Variants in POM121 observed in about 807,000 individuals in gnomAD.
POM121 encodes the protein POM121 transmembrane nucleoporin.
In POM121, 32 loss-of-function variants were observed where a neutral mutation model predicts 81.3. The ratio of observed to expected loss-of-function variants is 0.39; its 90% CI spans 0.30 to 0.53. The LOEUF (loss-of-function observed/expected upper bound fraction) is 0.53, where lower values mean the gene tolerates loss of function less well. Among genes scored for constraint, POM121 ranks in the 20% least tolerant of loss-of-function variants. The probability of loss-of-function intolerance (pLI) is 0.66; values close to 1 mark genes in which losing one functional copy is unlikely to be tolerated. For synonymous variants in POM121, 514 were observed against 694.2 expected, an observed-to-expected ratio of 0.74 and a Z score of 4.08; for missense variants, 1,138 against 1,614.6, an observed-to-expected ratio of 0.70 and a Z score of 5.06.
At chr7:72,894,639 G>GAA (rs1563135602) in intron 3 of POM121, among the ~76,000 whole-genome samples, 1 of 118,672 alleles carries the variant, frequency 8.4e-6, no homozygotes, top group African/African-American at 3.6e-5. Context: ...GAGAGAGAGA[G>GAA]AGAGAGAGAG....
intron 3 of POM121, among the ~76,000 whole-genome samples, chr7:72,902,561 CTCT>C (rs1554492840): frequency 4.8e-5 from 7 of 145,054 alleles, no homozygotes; most frequent in African/African-American, 1.8e-4. Flanking sequence ...CAGGGTCTCA[CTCT>C]GTCACCCAGG....
At chr7:72,914,543 T>C (rs529767478) in intron 4 of POM121, among the ~76,000 whole-genome samples, 1 of 151,380 alleles carries the variant, frequency 6.6e-6, no homozygotes, top group African/African-American at 2.4e-5. Context: ...GCTGTAGAGA[T>C]AGGGTCTCGC....
At chr7:72,920,094 ATGTT>A (rs368211340), upstream of POM121, among the ~76,000 whole-genome samples, 282 of 152,240 alleles carry the variant, frequency 1.9e-3, 1 homozygote, top group Middle Eastern at 0.01. Flanking sequence ...TGTTTGGAAA[ATGTT>A]TGGCCATTAT....
At chr7:72,922,171 C>T (rs1203084075), upstream of POM121, among the ~76,000 whole-genome samples, 1 of 152,122 alleles carries the variant, frequency 6.6e-6, no homozygotes, top group Non-Finnish European at 1.5e-5. Context: ...TATATATGCA[C>T]ATATGTGTAT....
At chr7:72,922,735 A>T (rs1259408592), upstream of POM121, among the ~76,000 whole-genome samples, 1 of 152,018 alleles carries the variant, frequency 6.6e-6, no homozygotes, top group African/African-American at 2.4e-5. Flanking sequence ...ATATTTTCCT[A>T]AATGATTTGT....
chr7:72,934,791 T>G (rs1482009152), intron 5 of POM121, among the ~76,000 whole-genome samples: 2 of 152,200 alleles, frequency 1.3e-5, no homozygotes, highest in African/African-American at 4.8e-5. Context: ...AGGACCATCC[T>G]TATTTCTCTG....
At chr7:72,904,648 A>T (rs1554493133) in intron 3 of POM121, among the ~76,000 whole-genome samples, 2 of 152,154 alleles carry the variant, frequency 1.3e-5, no homozygotes, top group Non-Finnish European at 2.9e-5. Flanking sequence ...AAAAAAACCC[A>T]GTTTTCCTAC....
chr7:72,898,795 CAAAAAAAAA>C (rs36029915), intron 3 of POM121, among the ~76,000 whole-genome samples: 2 of 57,300 alleles, frequency 3.5e-5, no homozygotes, highest in African/African-American at 1.4e-4. Context: ...GAGACTGTCT[CAAAAAAAAA>C]AAAAAAAAAA....
chr7:72,936,855 C>G (rs1311545537), intron 5 of POM121, among the ~76,000 whole-genome samples: 3 of 152,038 alleles, frequency 2.0e-5, no homozygotes, highest in Non-Finnish European at 4.4e-5. Context: ...GCTATGTTGC[C>G]CAGGCTGGTC....
At chr7:72,886,153 G>T (rs1790686475) in intron 1 of POM121, among the ~76,000 whole-genome samples, 1 of 140,056 alleles carries the variant, frequency 7.1e-6, no homozygotes, top group African/African-American at 2.8e-5. Flanking sequence ...TAATTAAACA[G>T]TATTTATTTA....
downstream of POM121, chr7:72,948,311 G>T (rs1797839068): frequency 2.5e-6 from 4 of 1,598,630 alleles, no homozygotes; most frequent in East Asian, 4.5e-5. Context: ...AGTACGTTCT[G>T]CATTTTATTT....
At chr7:72,923,934 C>T (rs1340248173), upstream of POM121, among the ~76,000 whole-genome samples, 4 of 147,534 alleles carry the variant, frequency 2.7e-5, no homozygotes, top group African/African-American at 1.0e-4. Context: ...ACACTGATAA[C>T]ACTGAATTGC....
At chr7:72,922,696 G>A (rs547562956), upstream of POM121, among the ~76,000 whole-genome samples, 1 of 151,996 alleles carries the variant, frequency 6.6e-6, no homozygotes, top group African/African-American at 2.4e-5. Context: ...GCCCAGAAGT[G>A]CTAACTTTTA....
chr7:72,937,170 G>T (rs1447036675), intron 5 of POM121, among the ~76,000 whole-genome samples: 22 of 151,708 alleles, frequency 1.5e-4, no homozygotes, highest in Non-Finnish European at 3.1e-4. Context: ...CAGGAGAATC[G>T]CTTGAACCAG....
intron 1 of POM121, chr7:72,879,916 G>T (rs1789960459): frequency 4.0e-6 from 2 of 504,436 alleles, no homozygotes; most frequent in South Asian, 2.9e-5. Flanking sequence ...CCCGGAGCGA[G>T]AAGGGCCTGA....
intron 6 of POM121, among the ~76,000 whole-genome samples, chr7:72,939,001 G>A (rs1428652155): frequency 6.6e-6 from 1 of 152,234 alleles, no homozygotes; most frequent in Admixed American, 6.5e-5. Context: ...GACTCGAGCT[G>A]ACCCCCTAGG....
upstream of POM121, chr7:72,925,006 C>T: frequency 1.5e-6 from 2 of 1,326,892 alleles, no homozygotes; most frequent in South Asian, 2.0e-5. Context: ...CGGGCGCTGC[C>T]GGGCGGTAGC....
At chr7:72,948,584 C>G (rs782813652), downstream of POM121, 5 of 1,611,146 alleles carry the variant, frequency 3.1e-6, no homozygotes, top group African/African-American at 2.7e-5. Context: ...GATGCTTTGG[C>G]CTGTGAGGCT....
downstream of POM121, chr7:72,949,204 A>G: frequency 9.8e-7 from 1 of 1,016,696 alleles, no homozygotes; most frequent in Non-Finnish European, 1.5e-6. Context: ...CTTTTGCTCC[A>G]GGGTCCCAAG....
Sources: gnomAD v4.1 joint callset for allele counts (sites outside exome capture counted in the v4.1 genomes callset) on GRCh38, gnomAD v4.1.1 for gene constraint, MANE v1.5 for transcripts, NCBI Gene and HGNC (gene_info 2026-07-23, HGNC 2026-07-21) for gene names.